DCC: variants seen among roughly 807,000 people sequenced by gnomAD.
DCC encodes the protein DCC netrin 1 receptor.
DCC carries 58 observed loss-of-function variants against 172.5 expected under a neutral mutation model. That is an observed-to-expected ratio of 0.34 (90% CI 0.27 to 0.42). The LOEUF is 0.42. DCC is among the 10% of genes least tolerant of loss of function. The pLI, the probability that DCC is intolerant of heterozygous loss-of-function variation, is 1.00. For synonymous variants in DCC, 709 were observed against 644.5 expected (o/e 1.10, Z -1.52); for missense variants, 1,740 against 1,791.0 (o/e 0.97, Z 0.51).
At chr18:52,408,779 C>T (rs1406415750) in intron 1 of DCC, among the ~76,000 whole-genome samples, 1 of 152,060 alleles carries the variant, frequency 6.6e-6, no homozygotes, top group Non-Finnish European at 1.5e-5. Flanking sequence ...GATTTTCTTT[C>T]ATTTCTCAAA....
intron 15 of DCC, among the ~76,000 whole-genome samples, chr18:53,358,124 A>G (rs2057898899): frequency 6.6e-6 from 1 of 152,182 alleles, no homozygotes; most frequent in South Asian, 2.1e-4. Flanking sequence ...ATGTGAGTAG[A>G]ATATGGAATC....
At chr18:52,712,761 C>A (rs940446230) in intron 1 of DCC, among the ~76,000 whole-genome samples, 1 of 152,204 alleles carries the variant, frequency 6.6e-6, no homozygotes, top group Admixed American at 6.5e-5. Flanking sequence ...ATACACCAAT[C>A]GATATCCTAA....
intron 7 of DCC, among the ~76,000 whole-genome samples, chr18:53,127,491 G>T (rs1299019324): frequency 6.6e-6 from 1 of 151,952 alleles, no homozygotes; most frequent in South Asian, 2.1e-4. Context: ...ACATTCAATG[G>T]TTTTAAATTT....
intron 5 of DCC, among the ~76,000 whole-genome samples, chr18:52,984,409 T>C (rs928098138): frequency 6.6e-6 from 1 of 152,076 alleles, no homozygotes; most frequent in Non-Finnish European, 1.5e-5. Context: ...TTCTTTTCTA[T>C]TTTTTGTTAT....
chr18:53,326,616 A>T lies in DCC; in HGVS notation c.2164+4459A>T, dbSNP rs143181466. 6.0e-4 allele frequency among the ~76,000 whole-genome samples: 91 copies of T among 152,332 alleles called. 1 individual carries two copies. Among genetic ancestry groups the T allele is most frequent in the African/African-American group, 2.1e-3 (86 of 41,578 alleles). ...CAACCTGCTAGTTTGCTCTATTTTT[A>T]AAAAGATTTCCTTAAATATTCATCT... is the stretch of plus-strand genomic sequence containing the variant. On this transcript the variant is annotated intron_variant, in intron 14 of 28. Coordinates refer to ENST00000442544, the MANE Select transcript of DCC (RefSeq NM_005215.4).
intron 2 of DCC, among the ~76,000 whole-genome samples, chr18:52,891,956 G>A (rs572867529): frequency 7.9e-5 from 12 of 152,084 alleles, no homozygotes; most frequent in South Asian, 2.1e-4. Flanking sequence ...ATCTGATCAC[G>A]TCATTTCCTT....
intron 5 of DCC, among the ~76,000 whole-genome samples, chr18:53,032,218 G>A (rs965474111): frequency 3.3e-5 from 5 of 152,102 alleles, no homozygotes; most frequent in South Asian, 2.1e-4. Flanking sequence ...CTAGAAGAAC[G>A]TGAGAAAGAG....
intron 9 of DCC, 105 bp downstream of exon 9, chr18:53,179,221 G>A: frequency 8.5e-7 from 1 of 1,173,944 alleles, no homozygotes; most frequent in Non-Finnish European, 1.2e-6. Context: ...AAGCGAAGAA[G>A]AGTTTTTTTT....
chr18:52,773,154 G>T (rs766666136), intron 2 of DCC, among the ~76,000 whole-genome samples: 64 of 152,318 alleles, frequency 4.2e-4, no homozygotes, highest in Non-Finnish European at 8.4e-4. Flanking sequence ...TTGAGTGGAA[G>T]AGCCTAGATT....
intron 2 of DCC, among the ~76,000 whole-genome samples, chr18:52,864,808 G>A (rs908573424): frequency 5.3e-5 from 8 of 151,650 alleles, no homozygotes; most frequent in Non-Finnish European, 1.0e-4. Context: ...TTAGTTTGCT[G>A]AGAATGATGG....
chr18:52,827,258 G>A (rs1389192998), intron 2 of DCC, among the ~76,000 whole-genome samples: 1 of 152,174 alleles, frequency 6.6e-6, no homozygotes, highest in Non-Finnish European at 1.5e-5. Context: ...TAGATCAGAG[G>A]TTCCTAACCC....
intron 2 of DCC, among the ~76,000 whole-genome samples, chr18:52,870,112 G>C (rs559181321): frequency 1.3e-5 from 2 of 152,270 alleles, no homozygotes; most frequent in African/African-American, 4.8e-5. Flanking sequence ...GCAGGCTCTC[G>C]GGGGTGGGGC....
chr18:52,675,859 A>G (rs543847203), intron 1 of DCC, among the ~76,000 whole-genome samples: 2 of 152,318 alleles, frequency 1.3e-5, no homozygotes, highest in Non-Finnish European at 2.9e-5. Context: ...ACTTTTTAAC[A>G]TATTGAATAA....
chr18:53,409,124 G>A (rs1042119051), intron 19 of DCC, among the ~76,000 whole-genome samples: 2 of 152,178 alleles, frequency 1.3e-5, no homozygotes, highest in Non-Finnish European at 2.9e-5. Context: ...GATTTGGATG[G>A]AGTGAAGAAA....
intron 1 of DCC, among the ~76,000 whole-genome samples, chr18:52,585,911 G>T (rs975612831): frequency 3.3e-5 from 5 of 151,798 alleles, no homozygotes; most frequent in African/African-American, 1.2e-4. Flanking sequence ...GTGAAACCCC[G>T]TCTCTACTAA....
At chr18:52,729,181 C>T (rs572085313) in intron 1 of DCC, among the ~76,000 whole-genome samples, 14 of 152,164 alleles carry the variant, frequency 9.2e-5, no homozygotes, top group Non-Finnish European at 1.6e-4. Context: ...GTTTGTTATT[C>T]GCTTGCTTTG....
rs150584708 is a variant in DCC at position 53,377,694 on chromosome 18, T to G, written c.2360-8349T>G. Among the ~76,000 whole-genome samples the G allele has an allele frequency of 2.2e-3, 332 of 152,254 alleles. 3 individuals are homozygous for G. The highest frequency in any genetic ancestry group is 2.9e-3 in the East Asian group (15 of 5,184). On this transcript the variant is annotated intron_variant, in intron 15 of 28. Transcript: ENST00000442544. ...GGATTAAGGTGAGAAATAAATGAAGTAAGGGATGGGAGGTAGTTAAAAGGC... is the reference window on the plus strand; with the variant it reads ...GGATTAAGGTGAGAAATAAATGAAGGAAGGGATGGGAGGTAGTTAAAAGGC...
chr18:52,626,277 T>C (rs573642712), intron 1 of DCC, among the ~76,000 whole-genome samples: 81 of 152,276 alleles, frequency 5.3e-4, no homozygotes, highest in African/African-American at 1.8e-3. Context: ...TAAAAAACTT[T>C]TGCTTCCTCC....
intron 2 of DCC, among the ~76,000 whole-genome samples, chr18:52,859,094 A>G (rs1025292213): frequency 1.3e-5 from 2 of 152,142 alleles, no homozygotes. Context: ...TGAACCCAGG[A>G]GTTTGAGAAC....
Sources: gnomAD v4.1 joint callset for allele counts (sites outside exome capture counted in the v4.1 genomes callset) on GRCh38, gnomAD v4.1.1 for gene constraint, MANE v1.5 for transcripts, NCBI Gene and HGNC (gene_info 2026-07-23, HGNC 2026-07-21) for gene names.